Variants in KIAA1671 observed in about 807,000 individuals in gnomAD.
The protein encoded by KIAA1671 is KIAA1671.
In KIAA1671, 52 loss-of-function variants were observed where a neutral mutation model predicts 131.2. The observed-to-expected ratio is 0.40, with a 90% CI of 0.32 to 0.50. The LOEUF is 0.50. Ranked by LOEUF, KIAA1671 falls within the 20% of genes least tolerant of loss-of-function variation. KIAA1671 has a pLI of 0.73. For synonymous variants in KIAA1671, 1,003 were observed against 961.6 expected (o/e 1.04, Z -0.80); for missense variants, 2,360 against 2,364.2 (o/e 1.00, Z 0.04).
intron 6 of KIAA1671, among the ~76,000 whole-genome samples, chr22:25,124,275 G>A (rs181491167): frequency 2.2e-4 from 33 of 152,326 alleles, no homozygotes; most frequent in African/African-American, 7.9e-4. Context: ...ATGAGAGCAT[G>A]GTGGCTTTTC....
intron 6 of KIAA1671, chr22:25,112,562 T>TA: frequency 2.5e-6 from 1 of 396,240 alleles, no homozygotes; most frequent in Non-Finnish European, 4.4e-6. Context: ...CCGGGGAAGT[T>TA]ACTTCTTCCA....
chr22:25,049,166 T>C, intron 5 of KIAA1671, 64 bp from the exon 6 acceptor site: 1 of 1,518,228 alleles, frequency 6.6e-7, no homozygotes, highest in South Asian at 1.2e-5. Flanking sequence ...CTTGGCATAA[T>C]ATATTTTTTC....
At chr22:25,045,251 A>G (rs1927159856) in intron 5 of KIAA1671, among the ~76,000 whole-genome samples, 2 of 152,198 alleles carry the variant, frequency 1.3e-5, no homozygotes, top group Non-Finnish European at 2.9e-5. Context: ...AAACTGGGGA[A>G]CACCCCTCTA....
At chr22:25,143,125 C>T (rs565050526) in intron 6 of KIAA1671, among the ~76,000 whole-genome samples, 11 of 152,326 alleles carry the variant, frequency 7.2e-5, no homozygotes, top group African/African-American at 2.6e-4. Context: ...AGGCTCTCCC[C>T]GTCCTGGGCA....
chr22:25,112,832 T>C lies in KIAA1671; in HGVS notation c.4531-57988T>C, dbSNP rs1931435963. Reference sequence around the variant, plus strand: ...TTAGTGGCACCTGCCTCATCTCCTCTCACCCTCCTAGGAAGCACAAGTGGC... The same window carrying C: ...TTAGTGGCACCTGCCTCATCTCCTCCCACCCTCCTAGGAAGCACAAGTGGC... On this transcript the variant is annotated intron_variant, in intron 6 of 12. Transcript: ENST00000358431. 1.3e-5 allele frequency: 2 copies of C among 155,686 alleles called. 1 individual carries two copies. Among genetic ancestry groups the C allele is most frequent in the South Asian group, 4.1e-4 (2 of 4,872 alleles). 9.6% of individuals were successfully genotyped at this position (155,686 alleles called of 1,614,324 possible).
intron 6 of KIAA1671, among the ~76,000 whole-genome samples, chr22:25,110,800 A>C (rs1019653479): frequency 2.0e-5 from 3 of 152,134 alleles, no homozygotes; most frequent in African/African-American, 7.2e-5. Context: ...AGCTCACGTG[A>C]CCTAGTGTAA....
At chr22:25,180,759 TTC>T (rs1403194556) in intron 9 of KIAA1671, among the ~76,000 whole-genome samples, 1 of 152,082 alleles carries the variant, frequency 6.6e-6, no homozygotes, top group African/African-American at 2.4e-5. Context: ...GCTTGGAGAG[TTC>T]TCTCTCCCAC....
chr22:25,169,999 C>T (rs757484277), intron 6 of KIAA1671, among the ~76,000 whole-genome samples: 3 of 152,110 alleles, frequency 2.0e-5, no homozygotes, highest in Non-Finnish European at 2.9e-5. Flanking sequence ...TTGCAAGCTC[C>T]GCCTCCCGAG....
rs1008872067 is a variant in KIAA1671, at chr22:25,040,580, G to A, written c.3450G>A (p.Ala1150=). 3.2e-6 allele frequency: 5 copies of A among 1,551,774 alleles called. No homozygotes were observed. In the East Asian group the frequency reaches 7.3e-5, roughly 23 times the overall value. ...CTCAAAGCAATTGGAAGGAAAGTGC[G>A]AACAAGATGTCCCCCAGCGGCGGAG... The part of the protein sequence containing the change: ...PRPQSNWKES[A]NKMSPSGGAP... The change falls in exon 5 of 13, where the codon GCG becomes GCA. Residue 1150 remains alanine (A), a synonymous_variant. Transcript: ENST00000358431.
chr22:25,078,337 T>C (rs952092536), intron 6 of KIAA1671, among the ~76,000 whole-genome samples: 2 of 152,154 alleles, frequency 1.3e-5, no homozygotes, highest in East Asian at 3.9e-4. Flanking sequence ...CCAGCTTGGG[T>C]AACACAGCAA....
chr22:24,955,161 A>T (rs1921627455), intron 1 of KIAA1671, among the ~76,000 whole-genome samples: 1 of 152,238 alleles, frequency 6.6e-6, no homozygotes, highest in Non-Finnish European at 1.5e-5. Context: ...TCTCCTCACC[A>T]GGCTACATCT....
intron 6 of KIAA1671, among the ~76,000 whole-genome samples, chr22:25,151,429 CT>C (rs67444002): frequency 0.34 from 35,751 of 104,356 alleles, 3,341 homozygotes; most frequent in African/African-American, 0.43. Flanking sequence ...AACATGAACT[CT>C]TTTTTTTTTT....
intron 6 of KIAA1671, among the ~76,000 whole-genome samples, chr22:25,152,490 A>C (rs1342577787): frequency 6.6e-6 from 1 of 152,198 alleles, no homozygotes; most frequent in Non-Finnish European, 1.5e-5. Flanking sequence ...ACATACACTG[A>C]CTAGTTGCCT....
intron 6 of KIAA1671, chr22:25,058,532 C>G (rs1195053092): frequency 6.6e-6 from 1 of 151,942 alleles, no homozygotes; most frequent in Non-Finnish European, 1.5e-5. Flanking sequence ...TTTTAGAGAT[C>G]CCCGGGGGAT....
intron 6 of KIAA1671, among the ~76,000 whole-genome samples, chr22:25,117,077 T>C (rs2145922754): frequency 6.6e-6 from 1 of 152,252 alleles, no homozygotes; most frequent in African/African-American, 2.4e-5. Context: ...ATCCCACAGT[T>C]GTGACAACCA....
chr22:25,028,253 G>C lies in KIAA1671; in HGVS notation c.254G>C (p.Arg85Pro). The change falls in exon 3 of 13, where the codon CGG becomes CCG. Residue 85 changes from arginine (R) to proline (P), a missense_variant. Physicochemically the swap from Arg to Pro is moderately radical, Grantham distance 103. This residue lies in a region of KIAA1671 where 1,185 missense variants were observed against 1,126.2 expected (regional missense o/e 1.05). Coordinates refer to ENST00000358431, the MANE Select transcript of KIAA1671 (RefSeq NM_001145206.2). ...GTGAAATCTCCTGTCCCGTCTCTGCGGCCCAGTTCGACTGGACCTTCCCCC... is the reference window on the plus strand; with the variant it reads ...GTGAAATCTCCTGTCCCGTCTCTGCCGCCCAGTTCGACTGGACCTTCCCCC... Reference protein sequence around the residue: ...QDVKSPVPSLRPSSTGPSPSG... With the variant: ...QDVKSPVPSLPPSSTGPSPSG... The C allele has an allele frequency of 3.9e-6, 6 of 1,551,588 alleles. No individual in the cohort carries two copies. Among genetic ancestry groups the C allele is most frequent in the Non-Finnish European group, 5.2e-6 (6 of 1,147,002 alleles).
Position 25,028,568 on chromosome 22 carries a change from C to T in KIAA1671, c.569C>T (p.Ala190Val), listed in dbSNP as rs1160504164. 1.4e-5 allele frequency: 22 copies of T among 1,544,330 alleles called. No homozygotes were observed. Among genetic ancestry groups the T allele is most frequent in the Admixed American group, 9.8e-5 (5 of 50,910 alleles). The change falls in exon 3 of 13, where the codon GCG becomes GTG. Residue 190 changes from alanine to valine, a missense_variant. This residue lies in a region of KIAA1671 where 1,185 missense variants were observed against 1,126.2 expected (regional missense o/e 1.05). Coordinates refer to ENST00000358431, the MANE Select transcript of KIAA1671 (RefSeq NM_001145206.2). Reference sequence around the variant, plus strand: ...CCCGCCCTGCCCACCCAGAAGCCTGCGGGGACCCTTCCCCGGTCAGCTCCC... The same window carrying T: ...CCCGCCCTGCCCACCCAGAAGCCTGTGGGGACCCTTCCCCGGTCAGCTCCC... Reference protein sequence around the residue: ...AKPALPTQKPAGTLPRSAPLS... With the variant: ...AKPALPTQKPVGTLPRSAPLS...
chr22:25,184,995 C>T lies in KIAA1671; in HGVS notation c.5218C>T (p.Pro1740Ser), dbSNP rs1207499091. Residue 1740 changes from proline (P) to serine (S), a missense_variant, in exon 11 of 13, where the codon CCA becomes TCA. Pro to Ser is a moderately conservative substitution (Grantham distance 74). Around this residue, in one of 3 missense-constraint regions of KIAA1671, gnomAD observed 1,161 missense variants for 1,204.7 expected, o/e 0.96. Coordinates refer to ENST00000358431, the MANE Select transcript of KIAA1671 (RefSeq NM_001145206.2). ...AVLKAQLHKRPEVDSPGETPS... is the reference protein window; with the variant it reads ...AVLKAQLHKRSEVDSPGETPS... ...TCCCCAGGCTCAGCTGCACAAGAGG[C>T]CAGAGGTGGACAGTCCTGGCGAGAC... 2.6e-6 allele frequency: 4 copies of T among 1,551,564 alleles called. No homozygotes were observed. The highest frequency in any genetic ancestry group is 2.4e-5 in the East Asian group (1 of 40,906).
intron 1 of KIAA1671, chr22:25,022,714 C>T (rs762493592): frequency 6.6e-6 from 1 of 152,298 alleles, no homozygotes; most frequent in Non-Finnish European, 1.5e-5. Flanking sequence ...CTGATGTCCC[C>T]TCTCTCACGG....
Sources: allele counts gnomAD v4.1 joint callset (sites outside exome capture counted in the v4.1 genomes callset), GRCh38; gene constraint gnomAD v4.1.1; regional missense constraint gnomAD v4.1.1; transcripts MANE v1.5; gene names NCBI Gene and HGNC (gene_info 2026-07-23, HGNC 2026-07-21).